The following NBL1 variants were observed in gnomAD, a reference collection of about 807,000 sequenced individuals.
NBL1 encodes the protein neuroblastoma suppressor of tumorigenicity 1.
Under a neutral mutation model 16.0 loss-of-function variants are expected in NBL1, and 9 were observed. The ratio of observed to expected loss-of-function variants is 0.56; its 90% CI spans 0.34 to 0.98. The LOEUF (loss-of-function observed/expected upper bound fraction) is 0.98. Among genes scored for constraint, NBL1 ranks in the 50% least tolerant of loss-of-function variants. The pLI is 0.02. For missense variants in NBL1, 196 were observed against 243.1 expected (o/e 0.81, Z 1.29); for synonymous variants, 86 against 100.7 (o/e 0.85, Z 0.87).
intron 1 of NBL1, chr1:19,646,016 C>T (rs981345299): frequency 1.0e-5 from 16 of 1,550,196 alleles, no homozygotes; most frequent in African/African-American, 4.1e-5. Flanking sequence ...TTTTCGTTTG[C>T]GGGCAGGAGG....
chr1:19,650,921 G>A (rs373172135), intron 1 of NBL1, among the ~76,000 whole-genome samples: 2 of 152,212 alleles, frequency 1.3e-5, no homozygotes, highest in Non-Finnish European at 2.9e-5. Context: ...GATGACAGCC[G>A]TGTGTGGGAG....
chr1:19,644,760 G>A lies in NBL1; in HGVS notation c.-20+314G>A, dbSNP rs575823900. 2.2e-3 allele frequency among the ~76,000 whole-genome samples: 327 copies of A among 151,924 alleles called. No individual in the cohort carries two copies. The highest frequency in any genetic ancestry group is 7.6e-3 in the African/African-American group (317 of 41,506). ...GCGGCCGGGGGAGAGAGGGAGCGAG[G>A]GAGGGAGATGCGTGGCCGGGCGGGC... On this transcript the variant is annotated intron_variant, in intron 1 of 3. Transcript: ENST00000375136. This position sits in a 1 kb window ranked among gnomAD's most constrained non-coding sequence, Gnocchi z 4.6.
rs1304256944 is a variant in NBL1, at chr1:19,644,601, G to A, written c.-20+155G>A. ...CGCCGCCGCCGAGCTCAGGAGCCCT[G>A]GGGGACCTGGCGGGCGCCTCCGGAC... On this transcript the variant is annotated intron_variant, in intron 1 of 3. Transcript: ENST00000375136. The surrounding 1 kb of genome is among the most constrained non-coding windows in gnomAD (Gnocchi z 4.6). Among the ~76,000 whole-genome samples the A allele has an allele frequency of 6.7e-6, 1 of 149,804 alleles. No homozygotes were observed. The highest frequency in any genetic ancestry group is 2.5e-5 in the African/African-American group (1 of 40,716).
At position 19,655,218 on chromosome 1, in the gene NBL1, G is replaced by A; in HGVS notation, c.170+18G>A. On this transcript the variant is annotated intron_variant, in intron 2 of 3. Transcript: ENST00000375136. ...CAGAACAGGTGGGACCCAAGGGGTG[G>A]GTGGGGGGATGCGGACAGGGGTCCA... 1 of 1,604,436 alleles carries A rather than the reference G, an allele frequency of 6.2e-7. No homozygotes were observed. Among genetic ancestry groups the A allele is most frequent in the South Asian group, 1.1e-5 (1 of 90,092 alleles).
intron 1 of NBL1, among the ~76,000 whole-genome samples, chr1:19,651,804 C>T (rs1169709719): frequency 5.9e-5 from 9 of 152,194 alleles, no homozygotes; most frequent in Admixed American, 5.2e-4. Context: ...AAGCCATCCT[C>T]CCGCCTCAGC....
At position 19,657,019 on chromosome 1, in the gene NBL1, C is replaced by G. The variant is rs781203048; in HGVS notation, c.436C>G (p.Pro146Ala). The G allele has an allele frequency of 6.4e-7, 1 of 1,574,154 alleles. No individual in the cohort carries two copies. Among genetic ancestry groups the G allele is most frequent in the South Asian group, 1.2e-5 (1 of 86,408 alleles). ...VQGEDGPGSQ[P>A]GTHPHPHPHP... Reference sequence around the variant, plus strand: ...GGGCGAGGACGGGCCGGGATCCCAGCCCGGCACCCACCCTCACCCCCATCC... The same window carrying G: ...GGGCGAGGACGGGCCGGGATCCCAGGCCGGCACCCACCCTCACCCCCATCC... The change falls in exon 4 of 4, where the codon CCC (proline) becomes GCC (alanine). Residue 146 changes from proline to alanine, a missense_variant. Transcript: ENST00000375136.
At position 19,657,330 on chromosome 1, in the gene NBL1, G is replaced by C; in HGVS notation, c.*201G>C. On this transcript the variant is annotated 3_prime_UTR_variant, in exon 4 of 4. Transcript: ENST00000375136. ...AAGCTGCACAATTTAATATATTCAA[G>C]AGTGGGGGGAGGAAGCAGAGGTCTT... 2.6e-6 allele frequency: 1 copy of C among 380,448 alleles called. No individual in the cohort carries two copies. Among genetic ancestry groups the C allele is most frequent in the Middle Eastern group, 6.9e-4 (1 of 1,444 alleles). 23.6% of individuals were successfully genotyped at this position (380,448 alleles called of 1,614,324 possible).
rs1315768273 is a variant in NBL1, at chr1:19,647,721, G to A, written c.-20+3275G>A. The A allele has an allele frequency of 7.3e-6, 7 of 964,428 alleles. No individual in the cohort carries two copies. The South Asian group carries it at 2.9e-4, about 40-fold the overall frequency. The allele number at this position is 964,428 out of a possible 1,614,324, so 59.7% of individuals were successfully genotyped here. A position where few individuals can be genotyped will look rare whatever the true frequency, so the allele number is the denominator to read the frequency against. On this transcript the variant is annotated intron_variant, in intron 1 of 3. Coordinates refer to ENST00000375136, the MANE Select transcript of NBL1 (RefSeq NM_005380.8). Reference sequence around the variant, plus strand: ...GGGGCCAAGTGTGGGGAGGTTCCCCGAGGAGGTTCTGGAAGCAGGAGGTGA... The same window carrying A: ...GGGGCCAAGTGTGGGGAGGTTCCCCAAGGAGGTTCTGGAAGCAGGAGGTGA...
intron 1 of NBL1, among the ~76,000 whole-genome samples, chr1:19,653,377 C>T (rs1442494186): frequency 6.6e-6 from 1 of 152,186 alleles, no homozygotes; most frequent in South Asian, 2.1e-4. Flanking sequence ...CCCAAGCCAC[C>T]TGACTCCTGG....
Position 19,647,850 on chromosome 1 carries a change from GGT to G in NBL1, c.-20+3418_-20+3419del, listed in dbSNP as rs71579812. ...CTGGAACCGGTAACAGGAAAGGCCT[GGT>G]GTGTGTGTGTGTGCGTGTGTGTGTG... On this transcript the variant is annotated intron_variant, in intron 1 of 3. Coordinates refer to ENST00000375136, the MANE Select transcript of NBL1 (RefSeq NM_005380.8). Among the ~76,000 whole-genome samples the G allele has an allele frequency of 2.4e-4, 34 of 143,364 alleles. 2 individuals are homozygous for G. The highest frequency in any genetic ancestry group is 7.7e-4 in the African/African-American group (28 of 36,248). The allele number at this position is 143,364 out of a possible 152,430, so 94.1% of individuals were successfully genotyped here. A position where few individuals can be genotyped will look rare whatever the true frequency, so the allele number is the denominator to read the frequency against.
chr1:19,643,724 C>A, upstream of NBL1: 1 of 1,124,232 alleles, frequency 8.9e-7, no homozygotes, highest in Admixed American at 4.4e-5. This position sits in a 1 kb window ranked among gnomAD's most constrained non-coding sequence, Gnocchi z 4.7. Flanking sequence ...ACTAGGATAA[C>A]ACTAGGCAAG....
In NBL1 at chr1:19,658,330, GCCT is replaced by G. The variant is rs1169705710; in HGVS notation, c.*1205_*1207del. The G allele has an allele frequency of 6.5e-6, 1 of 152,800 alleles. No homozygotes were observed. The highest frequency in any genetic ancestry group is 1.5e-5 in the Non-Finnish European group (1 of 68,146). 9.5% of individuals were successfully genotyped at this position (152,800 alleles called of 1,614,324 possible). On this transcript the variant is annotated 3_prime_UTR_variant, in exon 4 of 4. Coordinates refer to ENST00000375136, the MANE Select transcript of NBL1 (RefSeq NM_005380.8). ...TGCCCAGGGTGGCTGCCAGCCCACT[GCCT>G]CCTGCCTGGGGTGGCCTGGCCCTCC...
Position 19,657,238 on chromosome 1 carries a change from T to G in NBL1, c.*109T>G. ...GCCCCCCTTTGGCACTGGATGGACT[T>G]GGCTTCAGACTCGGACTTGAATGCT... On this transcript the variant is annotated 3_prime_UTR_variant, in exon 4 of 4. Coordinates refer to ENST00000375136, the MANE Select transcript of NBL1 (RefSeq NM_005380.8). 1.7e-6 allele frequency: 1 copy of G among 587,984 alleles called. No homozygotes were observed. The highest frequency in any genetic ancestry group is 2.3e-5 in the South Asian group (1 of 43,146). The allele number at this position is 587,984 out of a possible 1,614,324, so 36.4% of individuals were successfully genotyped here. A position where few individuals can be genotyped will look rare whatever the true frequency, so the allele number is the denominator to read the frequency against.
rs140544840 is a variant in NBL1 at position 19,651,272 on chromosome 1, G to A, written c.-19-3740G>A. Among the ~76,000 whole-genome samples, 745 of 152,308 alleles carry A rather than the reference G, an allele frequency of 4.9e-3. 3 individuals are homozygous for A. The highest frequency in any genetic ancestry group is 7.6e-3 in the Non-Finnish European group (518 of 68,022). Reference sequence around the variant, plus strand: ...CTGGAGCTCCACGCTGCTGGCCCGGGGAGGCCGAGGCCCCAGCGCCCTGCG... The same window carrying A: ...CTGGAGCTCCACGCTGCTGGCCCGGAGAGGCCGAGGCCCCAGCGCCCTGCG... On this transcript the variant is annotated intron_variant, in intron 1 of 3. Transcript: ENST00000375136.
In NBL1 at chr1:19,647,626, G is replaced by A. The variant is rs1478149223; in HGVS notation, c.-20+3180G>A. On this transcript the variant is annotated intron_variant, in intron 1 of 3. Transcript: ENST00000375136. ...CACCAGCCACAAACGCTGCGTGCTC[G>A]TTGTGCATGCGGACTGTGGTGTCAC... 34 of 985,512 alleles carry A rather than the reference G, an allele frequency of 3.4e-5. No homozygotes were observed. The East Asian group carries it at 1.2e-3, about 36-fold the overall frequency. The allele number at this position is 985,512 out of a possible 1,614,324, so 61.0% of individuals were successfully genotyped here.
At chr1:19,646,845 A>G (rs2094983584) in intron 1 of NBL1, among the ~76,000 whole-genome samples, 1 of 152,172 alleles carries the variant, frequency 6.6e-6, no homozygotes, top group Non-Finnish European at 1.5e-5. Context: ...ATCCATTCCC[A>G]GCTGTCATCC....
chr1:19,643,649 A>T (rs1398805435), upstream of NBL1: 3 of 1,292,504 alleles, frequency 2.3e-6, no homozygotes, highest in East Asian at 1.1e-4. The surrounding 1 kb of genome is among the most constrained non-coding windows in gnomAD (Gnocchi z 4.7). Flanking sequence ...CTGGCTTTTT[A>T]GTTCCTAATA....
intron 1 of NBL1, among the ~76,000 whole-genome samples, chr1:19,645,092 C>T (rs1163411474): frequency 1.3e-5 from 2 of 152,236 alleles, no homozygotes. Context: ...ATCCCCCGCC[C>T]TCCGATCCAG....
chr1:19,656,247 A>G (rs1351009955), intron 3 of NBL1, among the ~76,000 whole-genome samples: 2 of 151,806 alleles, frequency 1.3e-5, no homozygotes, highest in African/African-American at 4.8e-5. Context: ...AGGTACTTAG[A>G]TGGGTGATGA....
Sources: allele counts gnomAD v4.1 joint callset (sites outside exome capture counted in the v4.1 genomes callset), GRCh38; gene constraint gnomAD v4.1.1; non-coding constraint Gnocchi (gnomAD v3.1); transcripts MANE v1.5; gene names NCBI Gene and HGNC (gene_info 2026-07-23, HGNC 2026-07-21).